CCDC150: variants seen among roughly 807,000 people sequenced by gnomAD.
The protein encoded by CCDC150 is coiled-coil domain-containing protein 150.
A neutral mutation model predicts 156.5 loss-of-function variants in CCDC150; 151 were observed. That is an observed-to-expected ratio of 0.97 (90% CI 0.85 to 1.10). The LOEUF (loss-of-function observed/expected upper bound fraction) is 1.10. Ranked by LOEUF, CCDC150 falls within the 50% of genes least tolerant of loss-of-function variation. The pLI is 0.00. For synonymous variants in CCDC150, 452 were observed against 429.4 expected, an observed-to-expected ratio of 1.05 and a Z score of -0.65; for missense variants, 1,312 against 1,268.1, an observed-to-expected ratio of 1.03 and a Z score of -0.53.
chr2:196,719,307 A>C (rs1014874727), intron 18 of CCDC150, 190 bp from the exon 19 acceptor site: 48 of 429,124 alleles, frequency 1.1e-4, no homozygotes, highest in Non-Finnish European at 1.8e-4. Context: ...TCTGGGGATC[A>C]GCTTTTCTTT....
intron 17 of CCDC150, among the ~76,000 whole-genome samples, chr2:196,717,177 C>T (rs1043586142): frequency 6.6e-6 from 1 of 152,028 alleles, no homozygotes; most frequent in Non-Finnish European, 1.5e-5. Flanking sequence ...GGGTGAGCCA[C>T]CACGCCCAGC....
chr2:196,666,943 TTATTGG>T (rs777813232), intron 7 of CCDC150, 95 bp downstream of exon 7: 23 of 1,336,576 alleles, frequency 1.7e-5, no homozygotes, highest in Non-Finnish European at 2.3e-5. Context: ...GTGGCCAGTG[TTATTGG>T]TATTTCCCAC....
At chr2:196,683,020 G>T (rs1028936794) in intron 13 of CCDC150, among the ~76,000 whole-genome samples, 2 of 151,630 alleles carry the variant, frequency 1.3e-5, no homozygotes, top group Non-Finnish European at 2.9e-5. Flanking sequence ...TTTCATTTTC[G>T]TATATAATTG....
In CCDC150 at chr2:196,672,422, A is replaced by G. The variant is rs1694260447; in HGVS notation, c.1014A>G (p.Ala338=). 2 of 1,520,482 alleles carry G rather than the reference A, an allele frequency of 1.3e-6. No homozygotes were observed. The highest frequency in any genetic ancestry group is 1.4e-5 in the African/African-American group (1 of 71,174). 94.2% of individuals were successfully genotyped at this position (1,520,482 alleles called of 1,614,324 possible). The part of the protein sequence containing the change: ...LRSEIMSLHE[A]SEKAQVLNDQ... ...CCGAAATAATGTCTCTTCATGAAGC[A>G]TCAGAAAAAGCACAAGTAAATGCTC... The change falls in exon 9 of 28, where the codon GCA becomes GCG. Residue 338 remains alanine (A), a synonymous_variant. Coordinates refer to ENST00000389175, the MANE Select transcript of CCDC150 (RefSeq NM_001080539.2).
chr2:196,661,630 A>AT (rs1363046985), intron 5 of CCDC150, among the ~76,000 whole-genome samples: 1 of 152,216 alleles, frequency 6.6e-6, no homozygotes, highest in African/African-American at 2.4e-5. Flanking sequence ...ACAGAGGGTT[A>AT]TATACAGATA....
chr2:196,711,072 C>G (rs959884559), intron 15 of CCDC150, among the ~76,000 whole-genome samples: 3 of 152,074 alleles, frequency 2.0e-5, no homozygotes, highest in African/African-American at 7.3e-5. Flanking sequence ...GCATTTGTGA[C>G]CTTAATTTAG....
intron 25 of CCDC150, 82 bp from the exon 26 acceptor site, chr2:196,730,777 T>A: frequency 1.0e-6 from 1 of 986,212 alleles, no homozygotes; most frequent in Non-Finnish European, 1.5e-6. Context: ...CATATTTAGT[T>A]GCCCATTTAT....
At chr2:196,707,429 A>G (rs1348009395) in intron 15 of CCDC150, among the ~76,000 whole-genome samples, 2 of 151,922 alleles carry the variant, frequency 1.3e-5, no homozygotes, top group Non-Finnish European at 2.9e-5. Flanking sequence ...CTAGCAGTCT[A>G]TCAATTTTGC....
chr2:196,701,487 T>C (rs1184171599), intron 15 of CCDC150, among the ~76,000 whole-genome samples: 1 of 152,242 alleles, frequency 6.6e-6, no homozygotes, highest in African/African-American at 2.4e-5. Flanking sequence ...TGAATTTTTA[T>C]AACACATTTC....
At chr2:196,723,675 T>G (rs922227155) in intron 21 of CCDC150, among the ~76,000 whole-genome samples, 1 of 151,406 alleles carries the variant, frequency 6.6e-6, no homozygotes, top group African/African-American at 2.4e-5. Flanking sequence ...AAGGAAAGAG[T>G]TGGTAGAATG....
At chr2:196,722,354 C>T (rs1309693937) in intron 21 of CCDC150, among the ~76,000 whole-genome samples, 2 of 152,108 alleles carry the variant, frequency 1.3e-5, no homozygotes, top group Non-Finnish European at 2.9e-5. Context: ...TGGCTCACTG[C>T]AGCCTCTACT....
chr2:196,684,594 T>C (rs1695020131), intron 13 of CCDC150, among the ~76,000 whole-genome samples: 1 of 152,108 alleles, frequency 6.6e-6, no homozygotes, highest in Non-Finnish European at 1.5e-5. Context: ...ATGTCTTCTG[T>C]TTCCGCATTA....
At chr2:196,722,312 G>A (rs928235085) in intron 21 of CCDC150, among the ~76,000 whole-genome samples, 5 of 152,124 alleles carry the variant, frequency 3.3e-5, no homozygotes, top group African/African-American at 4.8e-5. Context: ...GTCTCGCCCT[G>A]TTGCCCAGGC....
intron 8 of CCDC150, among the ~76,000 whole-genome samples, chr2:196,670,960 G>A (rs990285292): frequency 3.3e-5 from 5 of 152,058 alleles, no homozygotes; most frequent in African/African-American, 9.7e-5. Context: ...TTCCTCATTA[G>A]CCGTTTGATG....
In CCDC150 at chr2:196,729,792, G is replaced by A. The variant is rs1698427074; in HGVS notation, c.2752-1G>A. The A allele has an allele frequency of 1.3e-6, 2 of 1,553,716 alleles. No individual in the cohort carries two copies. Among genetic ancestry groups the A allele is most frequent in the Non-Finnish European group, 1.8e-6 (2 of 1,136,722 alleles). On this transcript the variant is annotated splice_acceptor_variant, in intron 23 of 27. Transcript: ENST00000389175. LOFTEE classifies it high-confidence loss of function. ...TTATGTTATTTTCCAATTACTTTTAGCAAATAGAAAAAGAATTGAAGCAAA... is the reference window on the plus strand; with the variant it reads ...TTATGTTATTTTCCAATTACTTTTAACAAATAGAAAAAGAATTGAAGCAAA...
chr2:196,656,067 T>G (rs1693169479), intron 2 of CCDC150, among the ~76,000 whole-genome samples: 1 of 152,188 alleles, frequency 6.6e-6, no homozygotes, highest in Non-Finnish European at 1.5e-5. Flanking sequence ...TTCTCTACCC[T>G]GATCCTGGGG....
intron 17 of CCDC150, among the ~76,000 whole-genome samples, chr2:196,717,950 G>A: frequency 6.6e-6 from 1 of 152,006 alleles, no homozygotes; most frequent in Non-Finnish European, 1.5e-5. Context: ...GCAACATCCT[G>A]TGAGCCTAAA....
At chr2:196,658,991 T>C (rs1693396231) in intron 5 of CCDC150, 131 bp downstream of exon 5, 2 of 635,966 alleles carry the variant, frequency 3.1e-6, no homozygotes, top group Non-Finnish European at 2.7e-6. Context: ...TTTAAAAATA[T>C]GCCACATTGA....
intron 13 of CCDC150, among the ~76,000 whole-genome samples, chr2:196,689,380 T>G (rs1242919282): frequency 6.6e-6 from 1 of 151,852 alleles, no homozygotes; most frequent in Non-Finnish European, 1.5e-5. Context: ...CCCATGAGCA[T>G]GGAATGTTCT....
Sources: gnomAD v4.1 joint callset for allele counts (sites outside exome capture counted in the v4.1 genomes callset) on GRCh38, gnomAD v4.1.1 for gene constraint, MANE v1.5 for transcripts, NCBI Gene and HGNC (gene_info 2026-07-23, HGNC 2026-07-21) for gene names.